The following ZBTB20 variants were observed in gnomAD, a reference collection of about 807,000 sequenced individuals.
ZBTB20 encodes zinc finger and BTB domain-containing protein 20.
ZBTB20 carries 9 observed loss-of-function variants against 56.9 expected under a neutral mutation model. The ratio of observed to expected loss-of-function variants is 0.16; its 90% confidence interval spans 0.10 to 0.28. The LOEUF (loss-of-function observed/expected upper bound fraction) is 0.28, where lower values mean the gene tolerates loss of function less well. ZBTB20 is among the 10% of genes least tolerant of loss of function. ZBTB20 has a pLI of 1.00. For missense variants in ZBTB20, 655 were observed against 1,003.0 expected (o/e 0.65, Z 4.69); for synonymous variants, 417 against 420.7 (o/e 0.99, Z 0.11).
At chr3:114,546,701 C>A (rs1330997252) in intron 6 of ZBTB20, among the ~76,000 whole-genome samples, 4 of 151,956 alleles carry the variant, frequency 2.6e-5, no homozygotes, top group African/African-American at 9.7e-5. Context: ...AGGAGATGCC[C>A]TCCACTCCCT....
At chr3:114,631,234 C>T (rs1578064006) in intron 6 of ZBTB20, among the ~76,000 whole-genome samples, 1 of 152,054 alleles carries the variant, frequency 6.6e-6, no homozygotes, top group Middle Eastern at 3.4e-3. Flanking sequence ...TCATTACAAA[C>T]AACCAAAAGC....
intron 3 of ZBTB20, among the ~76,000 whole-genome samples, chr3:114,953,030 G>A (rs1057242128): frequency 1.3e-5 from 2 of 151,970 alleles, no homozygotes; most frequent in Admixed American, 6.6e-5. Context: ...ATTATCTGAC[G>A]GGGCTTCCAA....
intron 1 of ZBTB20, among the ~76,000 whole-genome samples, chr3:115,084,489 A>G (rs1173741653): frequency 2.0e-5 from 3 of 151,970 alleles, no homozygotes; most frequent in African/African-American, 7.2e-5. Flanking sequence ...TAAAGTATTA[A>G]CAACAATTGC....
intron 4 of ZBTB20, among the ~76,000 whole-genome samples, chr3:114,839,415 G>GAAAGAAAGAAAGAAAA (rs2074269601): frequency 2.9e-5 from 4 of 136,984 alleles, no homozygotes; most frequent in Admixed American, 2.9e-4. Flanking sequence ...CTGAAAGAAA[G>GAAAGAAAGAAAGAAAA]AAAGAAAGAA....
chr3:114,628,613 A>AT (rs2058768802), intron 6 of ZBTB20, among the ~76,000 whole-genome samples: 1 of 152,276 alleles, frequency 6.6e-6, no homozygotes, highest in South Asian at 2.1e-4. Flanking sequence ...AGGATTTAGG[A>AT]TGGCATACTA....
At chr3:114,781,866 C>G (rs1363027252) in intron 5 of ZBTB20, among the ~76,000 whole-genome samples, 1 of 152,180 alleles carries the variant, frequency 6.6e-6, no homozygotes, top group East Asian at 1.9e-4. Context: ...CTCTTCCCTG[C>G]TGCCATGTAA....
chr3:114,442,495 C>A (rs1033183880), intron 7 of ZBTB20, among the ~76,000 whole-genome samples: 4 of 152,130 alleles, frequency 2.6e-5, no homozygotes, highest in Non-Finnish European at 5.9e-5. Context: ...AGTGCACACA[C>A]AGAAATCTGC....
intron 6 of ZBTB20, among the ~76,000 whole-genome samples, chr3:114,532,903 C>T (rs1277862123): frequency 2.0e-5 from 3 of 152,194 alleles, no homozygotes; most frequent in Non-Finnish European, 4.4e-5. Context: ...AGATGCCAGA[C>T]TGTTAGAAGG....
At chr3:114,405,749 A>G (rs967847632) in intron 7 of ZBTB20, among the ~76,000 whole-genome samples, 1 of 152,096 alleles carries the variant, frequency 6.6e-6, no homozygotes, top group Non-Finnish European at 1.5e-5. Context: ...AGCAGGGACT[A>G]AAGAGAGTGT....
chr3:115,024,808 C>T (rs1055125185), intron 2 of ZBTB20, among the ~76,000 whole-genome samples: 1 of 151,116 alleles, frequency 6.6e-6, no homozygotes, highest in Non-Finnish European at 1.5e-5. Flanking sequence ...ATTTAAACAA[C>T]ATAGCAGCTA....
chr3:114,597,564 C>T (rs2056419090), intron 6 of ZBTB20, among the ~76,000 whole-genome samples: 1 of 152,130 alleles, frequency 6.6e-6, no homozygotes, highest in African/African-American at 2.4e-5. Context: ...GTTGTACAAT[C>T]TCCACGTTTT....
At chr3:114,731,914 A>G (rs1373987315) in intron 5 of ZBTB20, among the ~76,000 whole-genome samples, 1 of 152,100 alleles carries the variant, frequency 6.6e-6, no homozygotes, top group Non-Finnish European at 1.5e-5. Flanking sequence ...TAGATTAGTT[A>G]CTAATCCGGC....
chr3:114,483,094 C>T (rs758330484), intron 7 of ZBTB20, among the ~76,000 whole-genome samples: 2 of 152,136 alleles, frequency 1.3e-5, no homozygotes, highest in African/African-American at 2.4e-5. Context: ...AGTGAAGAGC[C>T]TTGACAGCAT....
intron 2 of ZBTB20, among the ~76,000 whole-genome samples, chr3:115,010,638 G>A (rs1355347006): frequency 1.3e-5 from 2 of 151,888 alleles, no homozygotes; most frequent in Admixed American, 6.6e-5. Flanking sequence ...CAACATTCAG[G>A]TCTTTTCAAA....
At chr3:114,575,252 T>A (rs568407692) in intron 6 of ZBTB20, among the ~76,000 whole-genome samples, 2 of 152,338 alleles carry the variant, frequency 1.3e-5, no homozygotes, top group Admixed American at 1.3e-4. Flanking sequence ...TATAAAAGAT[T>A]GTTAAAATCA....
chr3:114,393,883 G>A (rs769551818), intron 7 of ZBTB20, among the ~76,000 whole-genome samples: 2 of 152,146 alleles, frequency 1.3e-5, no homozygotes, highest in Admixed American at 6.5e-5. Flanking sequence ...TCTACAGCCC[G>A]TTTCATTGTT....
chr3:114,695,771 TTA>T (rs1360793053), intron 5 of ZBTB20, among the ~76,000 whole-genome samples: 3 of 152,060 alleles, frequency 2.0e-5, no homozygotes, highest in Admixed American at 6.6e-5. Flanking sequence ...TGCAAATGTT[TTA>T]TGTTTTTTTC....
chr3:114,384,100 T>TTCTCTCTCTC lies in ZBTB20; in HGVS notation c.-153-3170_-153-3161dup, dbSNP rs57746371. 5.3e-3 allele frequency among the ~76,000 whole-genome samples: 743 copies of TTCTCTCTCTC among 139,302 alleles called. 8 individuals carry two copies. The highest frequency in any genetic ancestry group is 0.018 in the African/African-American group (638 of 36,206). 91.4% of individuals were successfully genotyped at this position (139,302 alleles called of 152,430 possible). ...TCAGTCTCTTTCTTTTCAGTTCTCA[T>TTCTCTCTCTC]TCTCTCTCTCTCTCTCTCTCTCTCT... On this transcript the variant is annotated intron_variant, in intron 8 of 11. Coordinates refer to ENST00000675478, the MANE Select transcript of ZBTB20 (RefSeq NM_001348800.3).
At chr3:115,068,299 T>C (rs1023266103) in intron 2 of ZBTB20, among the ~76,000 whole-genome samples, 2 of 151,978 alleles carry the variant, frequency 1.3e-5, no homozygotes, top group Non-Finnish European at 1.5e-5. Flanking sequence ...AAAATAACTG[T>C]ATGGAAATGG....
Sources: gnomAD v4.1 joint callset for allele counts (sites outside exome capture counted in the v4.1 genomes callset) on GRCh38, gnomAD v4.1.1 for gene constraint, MANE v1.5 for transcripts, NCBI Gene and HGNC (gene_info 2026-07-23, HGNC 2026-07-21) for gene names.